ZNF385D: variants seen among roughly 807,000 people sequenced by gnomAD.
ZNF385D encodes zinc finger protein 385D, also known as zinc finger protein 659.
ZNF385D carries 15 observed loss-of-function variants against 35.8 expected under a neutral mutation model. The observed-to-expected ratio is 0.42, with a 90% confidence interval of 0.28 to 0.64. The LOEUF is 0.64. ZNF385D is among the 30% of genes least tolerant of loss of function. The pLI is 0.23. For synonymous variants in ZNF385D, 212 were observed against 186.8 expected, an observed-to-expected ratio of 1.13 and a Z score of -1.10; for missense variants, 474 against 494.6, an observed-to-expected ratio of 0.96 and a Z score of 0.39.
At chr3:22,122,528 G>C (rs187935823) in intron 3 of ZNF385D, among the ~76,000 whole-genome samples, 2 of 151,996 alleles carry the variant, frequency 1.3e-5, no homozygotes, top group South Asian at 2.1e-4. Context: ...TCTTTTCTAG[G>C]TGCTGATGAC....
intron 3 of ZNF385D, among the ~76,000 whole-genome samples, chr3:21,935,848 G>T (rs528635361): frequency 6.6e-6 from 1 of 152,142 alleles, no homozygotes; most frequent in Non-Finnish European, 1.5e-5. Context: ...CTAAGCAGGA[G>T]TCCACATCAT....
chr3:21,958,987 C>A (rs1334044103), intron 3 of ZNF385D: 1 of 152,116 alleles, frequency 6.6e-6, no homozygotes, highest in East Asian at 1.9e-4. Context: ...TGCAATATTA[C>A]AAGATAACAT....
chr3:21,751,524 C>G, upstream of ZNF385D: 1 of 874,844 alleles, frequency 1.1e-6, no homozygotes, highest in Non-Finnish European at 1.4e-6. Flanking sequence ...TGCCACCATT[C>G]TCTCCAAAAT....
At chr3:21,840,874 G>T (rs1695627097) in intron 3 of ZNF385D, among the ~76,000 whole-genome samples, 1 of 152,134 alleles carries the variant, frequency 6.6e-6, no homozygotes, top group South Asian at 2.1e-4. Flanking sequence ...GCTTCAAAGA[G>T]TTTGCTGTCT....
chr3:21,849,698 T>C (rs762114419), intron 3 of ZNF385D: 14 of 146,690 alleles, frequency 9.5e-5, no homozygotes, highest in Non-Finnish European at 1.7e-4. Context: ...GCAGATGTCC[T>C]CAAAATTTTT....
intron 4 of ZNF385D, among the ~76,000 whole-genome samples, chr3:21,504,660 G>A (rs1031456440): frequency 3.3e-5 from 5 of 152,094 alleles, no homozygotes; most frequent in African/African-American, 1.2e-4. Flanking sequence ...TGGTTTTATG[G>A]AGCTTTATAG....
intron 4 of ZNF385D, among the ~76,000 whole-genome samples, chr3:21,464,743 A>AACAC (rs6147726): frequency 1.3e-5 from 2 of 150,198 alleles, no homozygotes; most frequent in African/African-American, 2.5e-5. Flanking sequence ...AATAAATTAA[A>AACAC]ACACACACAC....
At chr3:21,579,339 G>T (rs536902459) in intron 2 of ZNF385D, 2 of 151,958 alleles carry the variant, frequency 1.3e-5, no homozygotes, top group African/African-American at 4.8e-5. Flanking sequence ...CTGAAACGTG[G>T]GTCAAATGTT....
At chr3:21,877,950 C>G (rs1698069837) in intron 3 of ZNF385D, 1 of 151,958 alleles carries the variant, frequency 6.6e-6, no homozygotes, top group Admixed American at 6.6e-5. Flanking sequence ...ATTACAACAG[C>G]AATGAAGATT....
At chr3:22,057,914 A>T (rs921159823) in intron 3 of ZNF385D, among the ~76,000 whole-genome samples, 1 of 152,220 alleles carries the variant, frequency 6.6e-6, no homozygotes, top group South Asian at 2.1e-4. Flanking sequence ...GGAGAAAATC[A>T]TTACAGTTCA....
intron 3 of ZNF385D, among the ~76,000 whole-genome samples, chr3:21,822,350 G>A (rs1160339867): frequency 6.6e-6 from 1 of 152,152 alleles, no homozygotes; most frequent in East Asian, 1.9e-4. Context: ...GGGAGTACAG[G>A]TGTGAATCAC....
intron 2 of ZNF385D, among the ~76,000 whole-genome samples, chr3:22,182,904 A>G (rs902473176): frequency 6.6e-5 from 10 of 152,114 alleles, no homozygotes; most frequent in African/African-American, 1.9e-4. Flanking sequence ...TATATTTTGC[A>G]AATGCATTAT....
chr3:21,800,329 T>G (rs2072338270), intron 3 of ZNF385D, among the ~76,000 whole-genome samples: 1 of 152,240 alleles, frequency 6.6e-6, no homozygotes, highest in Admixed American at 6.5e-5. Flanking sequence ...TAGATTGCCT[T>G]GGGTAGTAGT....
At chr3:22,338,774 C>G (rs747351530) in intron 2 of ZNF385D, among the ~76,000 whole-genome samples, 1 of 146,492 alleles carries the variant, frequency 6.8e-6, no homozygotes, top group Non-Finnish European at 1.5e-5. Context: ...GATCTCGGCT[C>G]ACTGTAGCCT....
At chr3:21,984,249 G>A (rs1421791743) in intron 3 of ZNF385D, among the ~76,000 whole-genome samples, 9 of 147,528 alleles carry the variant, frequency 6.1e-5, no homozygotes, top group Middle Eastern at 3.4e-3. Context: ...CCACGCCTAT[G>A]TCCTGAATGG....
At chr3:21,864,627 G>A (rs1019520942) in intron 3 of ZNF385D, among the ~76,000 whole-genome samples, 1 of 152,020 alleles carries the variant, frequency 6.6e-6, no homozygotes, top group Non-Finnish European at 1.5e-5. Context: ...AATCAAATAT[G>A]ATCATTTTCT....
chr3:21,606,349 C>T (rs1311363125), intron 2 of ZNF385D, among the ~76,000 whole-genome samples: 5 of 152,120 alleles, frequency 3.3e-5, no homozygotes. Flanking sequence ...CTGAGCATAA[C>T]CCATTTATTA....
intron 1 of ZNF385D, among the ~76,000 whole-genome samples, chr3:21,706,923 T>C (rs2125401389): frequency 6.6e-6 from 1 of 152,308 alleles, no homozygotes; most frequent in South Asian, 2.1e-4. Flanking sequence ...GATTATTTTC[T>C]TCCTCCTTCT....
chr3:22,351,501 C>A (rs972256340), intron 2 of ZNF385D, among the ~76,000 whole-genome samples: 3 of 152,022 alleles, frequency 2.0e-5, no homozygotes, highest in Non-Finnish European at 4.4e-5. Flanking sequence ...AGGGTATTTT[C>A]CAGATACTAG....
Sources: gnomAD v4.1 joint callset for allele counts (sites outside exome capture counted in the v4.1 genomes callset) on GRCh38, gnomAD v4.1.1 for gene constraint, MANE v1.5 for transcripts, NCBI Gene and HGNC (gene_info 2026-07-23, HGNC 2026-07-21) for gene names.